SPATS2: variants seen among roughly 807,000 people sequenced by gnomAD.
SPATS2 encodes the protein spermatogenesis-associated serine-rich protein 2.
SPATS2 carries 38 observed loss-of-function variants against 63.7 expected under a neutral mutation model. The observed-to-expected ratio is 0.60, with a 90% CI of 0.46 to 0.78. The LOEUF (loss-of-function observed/expected upper bound fraction) is 0.78. Among genes scored for constraint, SPATS2 ranks in the 30% least tolerant of loss-of-function variants. SPATS2 has a pLI of 0.00. For missense variants in SPATS2, 588 were observed against 666.2 expected, an observed-to-expected ratio of 0.88 and a Z score of 1.29; for synonymous variants, 207 against 232.9, an observed-to-expected ratio of 0.89 and a Z score of 1.01.
At chr12:49,500,496 G>A (rs376996458) in intron 9 of SPATS2, among the ~76,000 whole-genome samples, 9 of 152,094 alleles carry the variant, frequency 5.9e-5, no homozygotes, top group South Asian at 2.1e-4. Context: ...CTTTTAGGCC[G>A]GTGCGGTGGC....
chr12:49,401,976 T>C (rs1451517372), intron 2 of SPATS2, among the ~76,000 whole-genome samples: 2 of 152,094 alleles, frequency 1.3e-5, no homozygotes, highest in African/African-American at 4.8e-5. Context: ...ATTGATTGAT[T>C]GATTGGTTGA....
chr12:49,378,224 G>A (rs1432865734), intron 2 of SPATS2, among the ~76,000 whole-genome samples: 1 of 151,924 alleles, frequency 6.6e-6, no homozygotes, highest in Non-Finnish European at 1.5e-5. Context: ...GCCCGCCTCG[G>A]CCTCCCAAAG....
chr12:49,525,341 T>C (rs1446009319), intron 13 of SPATS2, among the ~76,000 whole-genome samples: 1 of 152,206 alleles, frequency 6.6e-6, no homozygotes, highest in African/African-American at 2.4e-5. Context: ...GAGTAATCCA[T>C]AGGTTCTTCT....
intron 9 of SPATS2, among the ~76,000 whole-genome samples, chr12:49,503,950 T>C (rs562500391): frequency 6.6e-6 from 1 of 152,318 alleles, no homozygotes; most frequent in South Asian, 2.1e-4. Flanking sequence ...TCAATTTAAC[T>C]TGAGGAAAGA....
At chr12:49,420,525 T>C (rs10875955) in intron 2 of SPATS2, among the ~76,000 whole-genome samples, 52,064 of 151,922 alleles carry the variant, frequency 0.34, 12,649 homozygotes, top group African/African-American at 0.69. Context: ...ACCTGGGAGG[T>C]GGAGGTTGCA....
At chr12:49,433,351 C>G (rs1945218907) in intron 2 of SPATS2, among the ~76,000 whole-genome samples, 1 of 152,110 alleles carries the variant, frequency 6.6e-6, no homozygotes, top group South Asian at 2.1e-4. Context: ...TTAGTAGAGA[C>G]AGGGTTTCAC....
chr12:49,498,142 AAAAAT>A (rs1565751562), intron 8 of SPATS2, among the ~76,000 whole-genome samples: 3 of 119,578 alleles, frequency 2.5e-5, no homozygotes, highest in African/African-American at 3.5e-5. Context: ...CAAAAAAAAA[AAAAAT>A]ATATATATAT....
upstream of SPATS2, chr12:49,367,127 C>A (rs1320516009): frequency 1.3e-5 from 2 of 155,102 alleles, no homozygotes; most frequent in Non-Finnish European, 2.8e-5. Context: ...CCGCCTCTCG[C>A]CGCCCCGCGC....
At chr12:49,394,490 G>C (rs2137264608) in intron 2 of SPATS2, among the ~76,000 whole-genome samples, 1 of 152,146 alleles carries the variant, frequency 6.6e-6, no homozygotes, top group East Asian at 1.9e-4. Context: ...TGACCAGATA[G>C]ATATATAACT....
At chr12:49,440,720 G>A (rs1029600027) in intron 2 of SPATS2, among the ~76,000 whole-genome samples, 8 of 152,100 alleles carry the variant, frequency 5.3e-5, no homozygotes, top group South Asian at 2.1e-4. Context: ...GCCTGCCTCG[G>A]CCTCCCAGAG....
intron 2 of SPATS2, among the ~76,000 whole-genome samples, chr12:49,372,292 G>A (rs531607213): frequency 4.6e-5 from 7 of 152,208 alleles, no homozygotes; most frequent in African/African-American, 1.7e-4. Flanking sequence ...TGATCCACCC[G>A]CCTCAGCCTC....
At chr12:49,498,429 A>G (rs1946505598) in intron 8 of SPATS2, among the ~76,000 whole-genome samples, 1 of 152,132 alleles carries the variant, frequency 6.6e-6, no homozygotes, top group African/African-American at 2.4e-5. Flanking sequence ...TGGCTTCCTC[A>G]TATATACAGT....
At chr12:49,497,392 C>CTTTTTTTTTTTTTTT (rs113685100) in intron 8 of SPATS2, among the ~76,000 whole-genome samples, 1 of 142,946 alleles carries the variant, frequency 7.0e-6, no homozygotes. Context: ...CTGACATTGA[C>CTTTTTTTTTTTTTTT]TTTTTTTTTT....
chr12:49,498,737 T>G (rs1294053855), intron 8 of SPATS2, among the ~76,000 whole-genome samples: 1 of 152,044 alleles, frequency 6.6e-6, no homozygotes, highest in Non-Finnish European at 1.5e-5. Flanking sequence ...ATCTTCCATA[T>G]CTCTTCTTAC....
intron 11 of SPATS2, among the ~76,000 whole-genome samples, chr12:49,522,028 GAA>G (rs111233399): frequency 1.6e-4 from 22 of 138,894 alleles, no homozygotes; most frequent in Middle Eastern, 3.7e-3. Flanking sequence ...CTTTTCATCT[GAA>G]AAAAAAAAAA....
chr12:49,452,671 G>C (rs1945644481), intron 2 of SPATS2, among the ~76,000 whole-genome samples: 1 of 151,572 alleles, frequency 6.6e-6, no homozygotes, highest in Non-Finnish European at 1.5e-5. Context: ...TTCCACTCTA[G>C]TATTCATCTT....
chr12:49,472,507 A>T (rs1946052209), intron 3 of SPATS2, among the ~76,000 whole-genome samples: 1 of 151,108 alleles, frequency 6.6e-6, no homozygotes, highest in Non-Finnish European at 1.5e-5. Flanking sequence ...ACAGATAGAG[A>T]AATACAACAA....
At chr12:49,408,642 G>A (rs1272816234) in intron 2 of SPATS2, among the ~76,000 whole-genome samples, 2 of 138,406 alleles carry the variant, frequency 1.4e-5, no homozygotes, top group South Asian at 2.4e-4. Context: ...TGCAGTCTCC[G>A]CCTCCTGGCT....
At position 49,423,077 on chromosome 12, in the gene SPATS2, C is replaced by G. The variant is rs112989941; in HGVS notation, c.-243-37693C>G. Among the ~76,000 whole-genome samples, 542 of 151,864 alleles carry G rather than the reference C, an allele frequency of 3.6e-3. 5 individuals carry two copies. The highest frequency in any genetic ancestry group is 0.013 in the African/African-American group (528 of 41,474). ...CTCATCCCTTTTCAAAGAAAAAAGTCTTCCCTATTTGGGGGAAAACCCCTT... is the reference window on the plus strand; with the variant it reads ...CTCATCCCTTTTCAAAGAAAAAAGTGTTCCCTATTTGGGGGAAAACCCCTT... On this transcript the variant is annotated intron_variant, in intron 2 of 13. Transcript: ENST00000552918.
Sources: allele counts gnomAD v4.1 joint callset (sites outside exome capture counted in the v4.1 genomes callset), GRCh38; gene constraint gnomAD v4.1.1; transcripts MANE v1.5; gene names NCBI Gene and HGNC (gene_info 2026-07-23, HGNC 2026-07-21).